Variants in PPP2R2B observed in about 807,000 individuals in gnomAD.
PPP2R2B encodes the protein protein phosphatase 2 regulatory subunit Bbeta.
PPP2R2B carries 5 observed loss-of-function variants against 46.0 expected under a neutral mutation model. The observed-to-expected ratio is 0.11, with a 90% CI of 0.06 to 0.23. The LOEUF (loss-of-function observed/expected upper bound fraction) is 0.23. Among genes scored for constraint, PPP2R2B ranks in the 10% least tolerant of loss-of-function variants. The probability of loss-of-function intolerance (pLI) is 1.00; values close to 1 mark genes in which losing one functional copy is unlikely to be tolerated. For missense variants in PPP2R2B, 367 were observed against 575.0 expected, an observed-to-expected ratio of 0.64 and a Z score of 3.70; for synonymous variants, 215 against 206.7, an observed-to-expected ratio of 1.04 and a Z score of -0.34.
At chr5:147,050,281 G>A (rs1042070665) in intron 1 of PPP2R2B, among the ~76,000 whole-genome samples, 5 of 152,162 alleles carry the variant, frequency 3.3e-5, no homozygotes, top group African/African-American at 7.2e-5. Context: ...GACAAATGCC[G>A]TGTGCACTTG....
intron 7 of PPP2R2B, among the ~76,000 whole-genome samples, chr5:146,627,967 T>C (rs1260035376): frequency 6.6e-6 from 1 of 151,738 alleles, no homozygotes; most frequent in Non-Finnish European, 1.5e-5. Context: ...TTTTTTGAGA[T>C]GGAGTCTCGC....
chr5:147,064,951 G>T (rs1316814675), intron 2 of PPP2R2B, among the ~76,000 whole-genome samples: 1 of 152,170 alleles, frequency 6.6e-6, no homozygotes, highest in African/African-American at 2.4e-5. Context: ...TTGCTGATTG[G>T]AAAGCTAGTA....
At chr5:146,910,649 A>T (rs1763145040) in intron 1 of PPP2R2B, among the ~76,000 whole-genome samples, 1 of 152,236 alleles carries the variant, frequency 6.6e-6, no homozygotes, top group African/African-American at 2.4e-5. Context: ...ATTGCCTGGT[A>T]CATAGTAAGC....
chr5:146,671,573 C>T (rs1287572405), intron 5 of PPP2R2B, among the ~76,000 whole-genome samples: 2 of 152,188 alleles, frequency 1.3e-5, no homozygotes, highest in Non-Finnish European at 2.9e-5. Context: ...TGTGCCACTC[C>T]ATCAAACACA....
At chr5:146,648,958 C>G (rs1378019607) in intron 6 of PPP2R2B, among the ~76,000 whole-genome samples, 6 of 152,098 alleles carry the variant, frequency 3.9e-5, no homozygotes, top group Admixed American at 3.9e-4. Context: ...GGATTTTATT[C>G]TGAGTTTAGT....
chr5:146,940,514 A>AG (rs571173859), intron 1 of PPP2R2B, among the ~76,000 whole-genome samples: 33 of 151,840 alleles, frequency 2.2e-4, no homozygotes, highest in African/African-American at 7.5e-4. Context: ...GCTAGGGGAA[A>AG]AAAAAAAAAA....
chr5:147,034,695 C>G (rs1453452796), intron 1 of PPP2R2B, among the ~76,000 whole-genome samples: 1 of 152,046 alleles, frequency 6.6e-6, no homozygotes, highest in East Asian at 1.9e-4. Context: ...ATCTTTTATT[C>G]CTGTCAATGT....
At chr5:146,750,439 CTT>C (rs998015233) in intron 2 of PPP2R2B, among the ~76,000 whole-genome samples, 1 of 152,126 alleles carries the variant, frequency 6.6e-6, no homozygotes, top group Non-Finnish European at 1.5e-5. Flanking sequence ...TTTATAAACA[CTT>C]TTTTATTTTA....
chr5:146,866,667 T>A (rs994324995), intron 2 of PPP2R2B, among the ~76,000 whole-genome samples: 1 of 152,164 alleles, frequency 6.6e-6, no homozygotes, highest in African/African-American at 2.4e-5. Flanking sequence ...CACAGAGGCA[T>A]CTATATCATA....
chr5:146,983,757 T>C (rs1337585862), intron 1 of PPP2R2B, among the ~76,000 whole-genome samples: 2 of 152,154 alleles, frequency 1.3e-5, no homozygotes, highest in African/African-American at 4.8e-5. Flanking sequence ...AAATCTGTTG[T>C]ATTTACCCAC....
At chr5:146,681,836 G>T (rs900550793) in intron 5 of PPP2R2B, among the ~76,000 whole-genome samples, 1 of 152,170 alleles carries the variant, frequency 6.6e-6, no homozygotes, top group African/African-American at 2.4e-5. Flanking sequence ...GTCAGAGCCT[G>T]TAACACTATC....
rs147172222 is a variant in PPP2R2B, at chr5:146,825,385, C to T, written c.70+52617G>A. 4.3e-4 allele frequency among the ~76,000 whole-genome samples: 66 copies of T among 152,300 alleles called. No homozygotes were observed. The East Asian group carries it at 9.8e-3, about 23-fold the overall frequency. ...ACACATAGTATCTCCTAGTATTCTG[C>T]TTTCCTAACAAGCTTTGATTTGTTT... On this transcript the variant is annotated intron_variant, in intron 2 of 9. Coordinates refer to ENST00000394411, the MANE Select transcript of PPP2R2B (RefSeq NM_181675.4).
At chr5:146,747,662 A>G (rs1204018157) in intron 2 of PPP2R2B, among the ~76,000 whole-genome samples, 1 of 152,204 alleles carries the variant, frequency 6.6e-6, no homozygotes, top group African/African-American at 2.4e-5. Context: ...ACAGTATTCA[A>G]TCTGATTCCA....
At chr5:146,964,410 T>C (rs1354163365) in intron 1 of PPP2R2B, among the ~76,000 whole-genome samples, 2 of 151,966 alleles carry the variant, frequency 1.3e-5, no homozygotes, top group Non-Finnish European at 2.9e-5. Flanking sequence ...TAGTTTGACT[T>C]GGTGCTTCGC....
At chr5:147,057,692 C>T (rs1757133396), upstream of PPP2R2B, among the ~76,000 whole-genome samples, 1 of 152,204 alleles carries the variant, frequency 6.6e-6, no homozygotes, top group Non-Finnish European at 1.5e-5. Context: ...TGCTGTTAGC[C>T]TTCTCTGAGC....
rs183335581 is a variant in PPP2R2B at position 147,055,735 on chromosome 5, G to A, written c.9C>T (p.Cys3=). 5.6e-6 allele frequency: 9 copies of A among 1,612,984 alleles called. No homozygotes were observed. The African/African-American group carries it at 1.2e-4, about 22-fold the overall frequency. ...AGATGTAAGGCAGGTAACGAGAGAAGCATTTCATCTTCCAAATAAAAAATA... is the reference window on the plus strand; with the variant it reads ...AGATGTAAGGCAGGTAACGAGAGAAACATTTCATCTTCCAAATAAAAAATA... The change falls in exon 1 of 9, where the codon TGC becomes TGT. Residue 3 remains cysteine, a synonymous_variant. Transcript: ENST00000336640.
chr5:146,634,333 TTTTG>T (rs1182850437), intron 7 of PPP2R2B, among the ~76,000 whole-genome samples: 1 of 151,428 alleles, frequency 6.6e-6, no homozygotes, highest in Non-Finnish European at 1.5e-5. Flanking sequence ...AGCCTGAGGG[TTTTG>T]TTTATTTATT....
At chr5:147,014,691 A>C (rs372176428) in intron 1 of PPP2R2B, among the ~76,000 whole-genome samples, 2 of 144,840 alleles carry the variant, frequency 1.4e-5, no homozygotes. Context: ...AACAATGAGA[A>C]CACATGGACA....
intron 1 of PPP2R2B, among the ~76,000 whole-genome samples, chr5:146,980,159 A>G (rs1753102999): frequency 1.3e-5 from 2 of 152,184 alleles, no homozygotes; most frequent in South Asian, 2.1e-4. Context: ...AGTATGTAGA[A>G]CATGACTTCA....
Sources: allele counts gnomAD v4.1 joint callset (sites outside exome capture counted in the v4.1 genomes callset), GRCh38; gene constraint gnomAD v4.1.1; transcripts MANE v1.5; gene names NCBI Gene and HGNC (gene_info 2026-07-23, HGNC 2026-07-21).